AGMO: variants seen among roughly 807,000 people sequenced by gnomAD.
AGMO encodes glyceryl-ether monooxygenase.
Under a neutral mutation model 60.2 loss-of-function variants are expected in AGMO, and 75 were observed. That is an observed-to-expected ratio of 1.25 (90% CI 1.03 to 1.51). The LOEUF is 1.51. AGMO is among the 40% of genes most tolerant of loss of function. AGMO has a pLI of 0.00. For synonymous variants in AGMO, 261 were observed against 177.1 expected (o/e 1.47, Z -3.76); for missense variants, 763 against 525.5 (o/e 1.45, Z -4.42).
At chr7:15,384,012 T>A (rs907231258) in intron 10 of AGMO, among the ~76,000 whole-genome samples, 1 of 152,128 alleles carries the variant, frequency 6.6e-6, no homozygotes, top group African/African-American at 2.4e-5. Context: ...CTCGGCTCAC[T>A]GCAAGCTCTG....
chr7:15,220,387 AT>A (rs112062138), intron 12 of AGMO, among the ~76,000 whole-genome samples: 226 of 143,424 alleles, frequency 1.6e-3, no homozygotes, highest in East Asian at 0.01. Flanking sequence ...TTCCTGGCTA[AT>A]TTTTTTTTTT....
chr7:15,238,601 A>C (rs1782495619), intron 12 of AGMO, among the ~76,000 whole-genome samples: 1 of 149,688 alleles, frequency 6.7e-6, no homozygotes, highest in Non-Finnish European at 1.5e-5. Context: ...CATTTTATTA[A>C]TAATTTAAAG....
intron 12 of AGMO, among the ~76,000 whole-genome samples, chr7:15,282,905 T>G (rs1198879790): frequency 6.6e-6 from 1 of 152,284 alleles, no homozygotes; most frequent in Middle Eastern, 3.4e-3. Flanking sequence ...AGCAGAAACC[T>G]TACAAATCAG....
intron 3 of AGMO, among the ~76,000 whole-genome samples, chr7:15,497,118 C>A (rs1180531677): frequency 6.6e-6 from 1 of 152,172 alleles, no homozygotes; most frequent in African/African-American, 2.4e-5. Context: ...AGTTCTCCCA[C>A]TGATTCCTAC....
At chr7:15,371,519 T>C (rs576097213) in intron 10 of AGMO, among the ~76,000 whole-genome samples, 2 of 152,036 alleles carry the variant, frequency 1.3e-5, no homozygotes, top group Admixed American at 6.6e-5. Context: ...GCCTCCCTAG[T>C]AGCTGGGATT....
intron 3 of AGMO, among the ~76,000 whole-genome samples, chr7:15,522,647 A>C (rs556958112): frequency 6.6e-6 from 1 of 152,310 alleles, no homozygotes; most frequent in South Asian, 2.1e-4. Context: ...AGCCATATGC[A>C]GAAAACTGAA....
At chr7:15,387,362 A>G (rs1334799120) in intron 9 of AGMO, 44 bp downstream of exon 9, 2 of 1,598,186 alleles carry the variant, frequency 1.3e-6, no homozygotes, top group Admixed American at 1.7e-5. Flanking sequence ...ACCTGACAAT[A>G]TGAGACAATC....
chr7:15,423,014 T>G (rs1780966325), intron 4 of AGMO, among the ~76,000 whole-genome samples: 1 of 152,170 alleles, frequency 6.6e-6, no homozygotes. Flanking sequence ...AGTAAGCTGC[T>G]AAGCAAATGG....
the AGMO span, among the ~76,000 whole-genome samples, chr7:15,159,777 A>T: frequency 6.6e-6 from 1 of 152,190 alleles, no homozygotes; most frequent in Non-Finnish European, 1.5e-5. Context: ...AAAGCATACT[A>T]TAAATAAGAT....
chr7:15,304,935 A>C (rs1273210075), intron 12 of AGMO, among the ~76,000 whole-genome samples: 1 of 152,056 alleles, frequency 6.6e-6, no homozygotes, highest in Non-Finnish European at 1.5e-5. Flanking sequence ...ACACTGGATA[A>C]AAATTTTCTC....
intron 12 of AGMO, among the ~76,000 whole-genome samples, chr7:15,323,579 C>T (rs1348251803): frequency 6.6e-6 from 1 of 152,086 alleles, no homozygotes. Context: ...CTAGGTAGGT[C>T]ACTAAAACAC....
rs754526222 is a variant in AGMO at position 15,459,599 on chromosome 7, TTGTG to T, written c.410-28495_410-28492del. 3.5e-5 allele frequency among the ~76,000 whole-genome samples: 5 copies of T among 142,232 alleles called. No individual in the cohort carries two copies. In the East Asian group the frequency reaches 1.0e-3, roughly 29 times the overall value. The allele number at this position is 142,232 out of a possible 152,430, so 93.3% of individuals were successfully genotyped here. On this transcript the variant is annotated intron_variant, in intron 3 of 12. Coordinates refer to ENST00000342526, the MANE Select transcript of AGMO (RefSeq NM_001004320.2). ...GATCTTTAAATGTGTGTATGTGCGTTTGTGTGTGTGTGTGTGTGTGTGTGTATGG... is the reference window on the plus strand; with the variant it reads ...GATCTTTAAATGTGTGTATGTGCGTTTGTGTGTGTGTGTGTGTGTGTATGG...
intron 5 of AGMO, among the ~76,000 whole-genome samples, chr7:15,407,319 G>A (rs777549331): frequency 5.4e-5 from 8 of 149,084 alleles, no homozygotes; most frequent in Non-Finnish European, 8.9e-5. Context: ...AATAAGCAAT[G>A]GGGTGATGAA....
chr7:15,398,613 T>C (rs1165334820), intron 5 of AGMO, among the ~76,000 whole-genome samples: 1 of 152,234 alleles, frequency 6.6e-6, no homozygotes, highest in Admixed American at 6.5e-5. Context: ...TTCAGGCATT[T>C]GGCAATTCGA....
chr7:15,511,409 C>T (rs1783671183), intron 3 of AGMO, among the ~76,000 whole-genome samples: 1 of 152,086 alleles, frequency 6.6e-6, no homozygotes, highest in Non-Finnish European at 1.5e-5. Context: ...AACAAAATGA[C>T]TTTGAACAAA....
chr7:15,125,496 T>A, the AGMO span, among the ~76,000 whole-genome samples: 1 of 152,128 alleles, frequency 6.6e-6, no homozygotes, highest in Non-Finnish European at 1.5e-5. Context: ...CTTTTTGAAG[T>A]ATGCCTCTGC....
chr7:15,220,788 C>T (rs535562982), intron 12 of AGMO, among the ~76,000 whole-genome samples: 87 of 151,998 alleles, frequency 5.7e-4, no homozygotes, highest in South Asian at 2.3e-3. Flanking sequence ...ATTATTATTA[C>T]CATAAATAGC....
intron 2 of AGMO, among the ~76,000 whole-genome samples, chr7:15,553,716 A>G (rs1359281706): frequency 6.6e-6 from 1 of 151,014 alleles, no homozygotes; most frequent in Non-Finnish European, 1.5e-5. Context: ...AAAAAAATAC[A>G]TAAATAAATA....
intron 10 of AGMO, among the ~76,000 whole-genome samples, chr7:15,369,953 T>A (rs1230370960): frequency 5.3e-5 from 8 of 152,222 alleles, no homozygotes; most frequent in Non-Finnish European, 7.3e-5. Context: ...TTTGCAGGTT[T>A]GTTACATTAG....
Sources: allele counts gnomAD v4.1 joint callset (sites outside exome capture counted in the v4.1 genomes callset), GRCh38; gene constraint gnomAD v4.1.1; transcripts MANE v1.5; gene names NCBI Gene and HGNC (gene_info 2026-07-23, HGNC 2026-07-21).